IQCE: variants seen among roughly 807,000 people sequenced by gnomAD.
The protein encoded by IQCE is IQ domain-containing protein E.
A neutral mutation model predicts 96.0 loss-of-function variants in IQCE; 115 were observed. That is an observed-to-expected ratio of 1.20 (90% CI 1.03 to 1.40). The LOEUF (loss-of-function observed/expected upper bound fraction) is 1.40, where lower values mean the gene tolerates loss of function less well. IQCE is among the 40% of genes most tolerant of loss of function. The probability of loss-of-function intolerance (pLI) is 0.00; values close to 1 mark genes in which losing one functional copy is unlikely to be tolerated. For synonymous variants in IQCE, 412 were observed against 371.2 expected, an observed-to-expected ratio of 1.11 and a Z score of -1.26; for missense variants, 1,041 against 909.1, an observed-to-expected ratio of 1.15 and a Z score of -1.87.
intron 12 of IQCE, 125 bp downstream of exon 12, chr7:2,586,496 G>A (rs1427889674): frequency 2.8e-6 from 3 of 1,055,586 alleles, no homozygotes; most frequent in Admixed American, 2.7e-5. Context: ...CTTGGGCAAC[G>A]CCAGTTCCCA....
At chr7:2,598,954 C>T (rs769718133) in intron 17 of IQCE, among the ~76,000 whole-genome samples, 24 of 152,206 alleles carry the variant, frequency 1.6e-4, no homozygotes, top group Admixed American at 2.0e-4. Flanking sequence ...ACCACAGCAC[C>T]GTGACTGCAC....
intron 18 of IQCE, among the ~76,000 whole-genome samples, chr7:2,603,075 G>A (rs1251315058): frequency 2.6e-5 from 4 of 152,136 alleles, no homozygotes; most frequent in Non-Finnish European, 4.4e-5. Flanking sequence ...ACACACCCTT[G>A]TCCATACCCA....
intron 14 of IQCE, among the ~76,000 whole-genome samples, chr7:2,591,601 T>A (rs1783590987): frequency 6.7e-6 from 1 of 149,084 alleles, no homozygotes; most frequent in Non-Finnish European, 1.5e-5. Context: ...CTGCTTCCAG[T>A]GGGATCTGCG....
Position 2,590,087 on chromosome 7 carries a change from G to A in IQCE, c.1225G>A (p.Glu409Lys). 6.2e-7 allele frequency: 1 copy of A among 1,612,746 alleles called. No individual in the cohort carries two copies. Reference protein sequence around the residue: ...DLKEERTALQEQLLQRDLEVK... With the variant: ...DLKEERTALQKQLLQRDLEVK... ...GAAGGAAGAGCGGACCGCGCTGCAGGAGCAGCTGCTGCAGAGAGAGTAGGT... is the reference window on the plus strand; with the variant it reads ...GAAGGAAGAGCGGACCGCGCTGCAGAAGCAGCTGCTGCAGAGAGAGTAGGT... The change falls in exon 14 of 22, where the codon GAG (glutamate) becomes AAG (lysine). Residue 409 changes from glutamate to lysine, a missense_variant. Glu to Lys is a moderately conservative substitution (Grantham distance 56, BLOSUM62 1). Coordinates refer to ENST00000402050, the MANE Select transcript of IQCE (RefSeq NM_152558.5).
chr7:2,584,971 A>C lies in IQCE; in HGVS notation c.824+686A>C, dbSNP rs187365002. On this transcript the variant is annotated intron_variant, in intron 11 of 21. Coordinates refer to ENST00000402050, the MANE Select transcript of IQCE (RefSeq NM_152558.5). ...CGCCTTACAGAGTTATAAAGTCTCC[A>C]TGAACATAGAACGAGCGAATACTAA... is the stretch of plus-strand genomic sequence containing the variant. Among the ~76,000 whole-genome samples, 77 of 152,266 alleles carry C rather than the reference A, an allele frequency of 5.1e-4. No individual in the cohort carries two copies. In the East Asian group the frequency reaches 0.014, roughly 29 times the overall value.
At chr7:2,563,738 CA>C (rs1781147971) in intron 1 of IQCE, among the ~76,000 whole-genome samples, 2 of 151,116 alleles carry the variant, frequency 1.3e-5, no homozygotes, top group African/African-American at 4.9e-5. Context: ...ACTAAAAATA[CA>C]AAAAATTAGC....
chr7:2,586,062 C>T, intron 11 of IQCE, 146 bp from the exon 12 acceptor site: 1 of 662,936 alleles, frequency 1.5e-6, no homozygotes, highest in Non-Finnish European at 2.5e-6. Flanking sequence ...GTTATTACTG[C>T]CTATTCGATT....
intron 9 of IQCE, among the ~76,000 whole-genome samples, chr7:2,583,124 T>C (rs1460413791): frequency 6.6e-6 from 1 of 152,172 alleles, no homozygotes; most frequent in Non-Finnish European, 1.5e-5. Flanking sequence ...TCAACTTAAG[T>C]TTGCAGATTT....
chr7:2,588,382 T>A (rs1783299335), intron 13 of IQCE, among the ~76,000 whole-genome samples: 2 of 150,610 alleles, frequency 1.3e-5, no homozygotes, highest in Non-Finnish European at 3.0e-5. Context: ...TGAGATGGAG[T>A]CTCACTCTGT....
intron 3 of IQCE, among the ~76,000 whole-genome samples, chr7:2,569,201 G>A (rs1781589204): frequency 6.6e-6 from 1 of 152,144 alleles, no homozygotes. Flanking sequence ...TCAGGAGCAC[G>A]TGGAGTCCCT....
intron 17 of IQCE, among the ~76,000 whole-genome samples, chr7:2,599,994 A>G (rs1784327349): frequency 6.6e-6 from 1 of 151,358 alleles, no homozygotes; most frequent in African/African-American, 2.4e-5. Context: ...GGGTTTCACC[A>G]TGTTGTCCAG....
chr7:2,585,109 C>T (rs929474122), intron 11 of IQCE, among the ~76,000 whole-genome samples: 7 of 149,754 alleles, frequency 4.7e-5, no homozygotes, highest in African/African-American at 7.4e-5. Context: ...GATCTCAGCT[C>T]ACTGCAACCT....
intron 1 of IQCE, among the ~76,000 whole-genome samples, chr7:2,565,363 AC>A (rs1562618626): frequency 6.6e-6 from 1 of 152,068 alleles, no homozygotes; most frequent in Non-Finnish European, 1.5e-5. Flanking sequence ...TCTTCCCTGC[AC>A]TATGACCGGC....
At chr7:2,578,900 A>G (rs1001792058) in intron 8 of IQCE, among the ~76,000 whole-genome samples, 5 of 152,176 alleles carry the variant, frequency 3.3e-5, no homozygotes, top group Middle Eastern at 3.2e-3. Flanking sequence ...GTCTCTACTA[A>G]AAATACAAAA....
chr7:2,592,912 C>G (rs1285089479), intron 14 of IQCE, 110 bp from the exon 15 acceptor site: 1 of 1,180,810 alleles, frequency 8.5e-7, no homozygotes, highest in East Asian at 2.5e-5. Flanking sequence ...GCCCCACCAT[C>G]CACTGTCCTA....
chr7:2,607,704 G>T, intron 21 of IQCE: 1 of 279,362 alleles, frequency 3.6e-6, no homozygotes, highest in Non-Finnish European at 5.8e-6. Flanking sequence ...CTGGCCGTCA[G>T]TCCCTTCATG....
At chr7:2,569,972 A>T (rs984193769) in intron 3 of IQCE, among the ~76,000 whole-genome samples, 27 of 152,294 alleles carry the variant, frequency 1.8e-4, no homozygotes, top group Middle Eastern at 6.8e-3. Flanking sequence ...GAATTGATAT[A>T]AAGTAAAAGG....
chr7:2,605,170 CTGCACAGGCCCCGG>C (rs1408516505), intron 19 of IQCE, among the ~76,000 whole-genome samples, 179 bp downstream of exon 19: 1 of 152,260 alleles, frequency 6.6e-6, no homozygotes, highest in African/African-American at 2.4e-5. Context: ...GCAGGCCCCT[CTGCACAGGCCCCGG>C]ATGGATGTGG....
chr7:2,571,181 G>C (rs1318271328), intron 3 of IQCE, among the ~76,000 whole-genome samples: 1 of 152,076 alleles, frequency 6.6e-6, no homozygotes, highest in Non-Finnish European at 1.5e-5. Context: ...ACCACACCCA[G>C]CTAATTTTTA....
Sources: gnomAD v4.1 joint callset for allele counts (sites outside exome capture counted in the v4.1 genomes callset) on GRCh38, gnomAD v4.1.1 for gene constraint, MANE v1.5 for transcripts, NCBI Gene and HGNC (gene_info 2026-07-23, HGNC 2026-07-21) for gene names.